The following CNNM2 variants were observed in gnomAD, a reference collection of about 807,000 sequenced individuals.
CNNM2 encodes the protein cyclin and CBS domain divalent metal cation transport mediator 2.
Under a neutral mutation model 66.9 loss-of-function variants are expected in CNNM2, and 12 were observed. The observed-to-expected ratio is 0.18, with a 90% CI of 0.11 to 0.29. The LOEUF is 0.29. CNNM2 is among the 10% of genes least tolerant of loss of function. CNNM2 has a pLI of 1.00. For missense variants in CNNM2, 705 were observed against 1,167.7 expected (o/e 0.60, Z 5.77); for synonymous variants, 557 against 501.8 (o/e 1.11, Z -1.47).
Position 103,077,279 on chromosome 10 carries a change from C to CTG in CNNM2, c.*101_*102dup. 1 of 1,072,612 alleles carries CTG rather than the reference C, an allele frequency of 9.3e-7. No individual in the cohort carries two copies. The highest frequency in any genetic ancestry group is 1.4e-6 in the Non-Finnish European group (1 of 731,676). 66.4% of individuals were successfully genotyped at this position (1,072,612 alleles called of 1,614,324 possible). A position where few individuals can be genotyped will look rare whatever the true frequency, so the allele number is the denominator to read the frequency against. ...CACTGGTGTGAGCTTGTCCGCCATG[C>CTG]TGTACCCTGCAACATCCTGAGACCA... On this transcript the variant is annotated 3_prime_UTR_variant, in exon 8 of 8. Transcript: ENST00000369878.
chr10:102,990,102 A>G (rs908791598), intron 1 of CNNM2, among the ~76,000 whole-genome samples: 4 of 151,678 alleles, frequency 2.6e-5, no homozygotes, highest in African/African-American at 9.7e-5. Context: ...GTGCCACCAC[A>G]CCTGGCTAAT....
chr10:103,050,243 A>G (rs2065193533), intron 2 of CNNM2, among the ~76,000 whole-genome samples: 1 of 152,164 alleles, frequency 6.6e-6, no homozygotes, highest in Non-Finnish European at 1.5e-5. Flanking sequence ...CTTTAAAGTG[A>G]ATGGGAGGCC....
In CNNM2 at chr10:102,918,597, G is replaced by C; in HGVS notation, c.117G>C (p.Gly39=). Reference sequence around the variant, plus strand: ...GCAGCCTCAGCGCTCGCGGCCGGGGGATCCTGCAGGCGGCTGCGGGGCGGC... The same window carrying C: ...GCAGCCTCAGCGCTCGCGGCCGGGGCATCCTGCAGGCGGCTGCGGGGCGGC... ...ARRSLSARGR[G]ILQAAAGRLL... The change falls in exon 1 of 8, where the codon GGG becomes GGC. Residue 39 remains glycine, a synonymous_variant. Coordinates refer to ENST00000369878, the MANE Select transcript of CNNM2 (RefSeq NM_017649.5). The surrounding 1 kb of genome is among the most constrained non-coding windows in gnomAD (Gnocchi z 4.1). The C allele has an allele frequency of 1.3e-6, 2 of 1,562,744 alleles. No individual in the cohort carries two copies. Among genetic ancestry groups the C allele is most frequent in the African/African-American group, 1.4e-5 (1 of 72,112 alleles).
chr10:102,953,307 A>G (rs1430920125), intron 1 of CNNM2, among the ~76,000 whole-genome samples: 1 of 152,044 alleles, frequency 6.6e-6, no homozygotes, highest in Non-Finnish European at 1.5e-5. Context: ...CCCAGGCTGG[A>G]GTGCAGTGAT....
chr10:102,952,279 T>G (rs1233461846), intron 1 of CNNM2, among the ~76,000 whole-genome samples: 1 of 149,664 alleles, frequency 6.7e-6, no homozygotes, highest in Non-Finnish European at 1.5e-5. Context: ...TGTTAAATGA[T>G]GGGGGCCGGG....
chr10:103,001,497 C>G (rs1436567978), intron 1 of CNNM2, among the ~76,000 whole-genome samples: 1 of 152,028 alleles, frequency 6.6e-6, no homozygotes. Flanking sequence ...GATGTCTGCC[C>G]CATCCCAGCC....
At chr10:102,965,591 T>G (rs369407122) in intron 1 of CNNM2, among the ~76,000 whole-genome samples, 4 of 152,214 alleles carry the variant, frequency 2.6e-5, no homozygotes, top group African/African-American at 9.6e-5. Context: ...TTCCCTGTAG[T>G]GTCTGCTTTA....
At chr10:103,019,655 T>C (rs537998248) in intron 1 of CNNM2, among the ~76,000 whole-genome samples, 2 of 152,080 alleles carry the variant, frequency 1.3e-5, no homozygotes, top group South Asian at 2.1e-4. Flanking sequence ...CCTGTGGAGG[T>C]GGCGGTTAAG....
At position 102,998,675 on chromosome 10, in the gene CNNM2, G is replaced by A. The variant is rs77003580; in HGVS notation, c.1622-51032G>A. Among the ~76,000 whole-genome samples the A allele has an allele frequency of 8.3e-4, 126 of 152,104 alleles. 1 individual carries two copies. The highest frequency in any genetic ancestry group is 2.8e-3 in the African/African-American group (118 of 41,520). ...TCTATATAGAAAATGCTGAGGAATCGACTACAAAACTATTAGGTTTAGGCC... is the reference window on the plus strand; with the variant it reads ...TCTATATAGAAAATGCTGAGGAATCAACTACAAAACTATTAGGTTTAGGCC... On this transcript the variant is annotated intron_variant, in intron 1 of 7. Transcript: ENST00000369878.
rs10624803 is a variant in CNNM2 at position 103,011,646 on chromosome 10, CTG to C, written c.1622-38023_1622-38022del. 0.043 allele frequency among the ~76,000 whole-genome samples: 5,808 copies of C among 135,926 alleles called. 114 individuals are homozygous for C. The highest frequency in any genetic ancestry group is 0.072 in the African/African-American group (2,614 of 36,070). 89.2% of individuals were successfully genotyped at this position (135,926 alleles called of 152,430 possible). On this transcript the variant is annotated intron_variant, in intron 1 of 7. Coordinates refer to ENST00000369878, the MANE Select transcript of CNNM2 (RefSeq NM_017649.5). Reference sequence around the variant, plus strand: ...TTCTTTTGCATAAGTAATACTTGCACTGTGTGTGTGTGTGTGTGTGTGTGTGT... The same window carrying C: ...TTCTTTTGCATAAGTAATACTTGCACTGTGTGTGTGTGTGTGTGTGTGTGT...
At position 103,089,634 on chromosome 10, in the gene CNNM2, A is replaced by C; in HGVS notation, c.*12454A>C. On this transcript the variant is annotated 3_prime_UTR_variant, in exon 8 of 8. Coordinates refer to ENST00000369878, the MANE Select transcript of CNNM2 (RefSeq NM_017649.5). Reference sequence around the variant, plus strand: ...GTTTGTTCCTGTGAGTCCTGCCAGGACTTGTTTAATGGGTGCTTGGGGTTT... The same window carrying C: ...GTTTGTTCCTGTGAGTCCTGCCAGGCCTTGTTTAATGGGTGCTTGGGGTTT... The C allele has an allele frequency of 1.3e-6, 2 of 1,542,806 alleles. No individual in the cohort carries two copies. The highest frequency in any genetic ancestry group is 1.7e-6 in the Non-Finnish European group (2 of 1,144,704).
At chr10:103,053,144 G>A (rs377494091) in intron 2 of CNNM2, among the ~76,000 whole-genome samples, 30 of 152,300 alleles carry the variant, frequency 2.0e-4, no homozygotes, top group African/African-American at 7.0e-4. Context: ...TCAGGAACTG[G>A]TAAACCAAAG....
chr10:103,068,771 A>G, intron 5 of CNNM2, 49 bp downstream of exon 5: 1 of 1,401,800 alleles, frequency 7.1e-7, no homozygotes, highest in Non-Finnish European at 9.9e-7. Context: ...GTTAGGAAGT[A>G]AGGCCCCTCT....
intron 1 of CNNM2, among the ~76,000 whole-genome samples, chr10:103,033,136 A>G (rs898701541): frequency 6.6e-6 from 1 of 151,360 alleles, no homozygotes. Flanking sequence ...AAAAGAAAAG[A>G]AAAACAGAAA....
intron 1 of CNNM2, among the ~76,000 whole-genome samples, chr10:103,044,706 A>G (rs948757150): frequency 3.3e-5 from 5 of 152,172 alleles, no homozygotes; most frequent in South Asian, 2.1e-4. Flanking sequence ...TTTCCTTTGT[A>G]CTGTGCACAG....
intron 1 of CNNM2, among the ~76,000 whole-genome samples, chr10:102,943,138 T>C (rs1380595992): frequency 6.6e-6 from 1 of 152,114 alleles, no homozygotes; most frequent in Non-Finnish European, 1.5e-5. Flanking sequence ...GGCAGGAGAA[T>C]TGCTTGAACC....
chr10:102,989,629 CCGAT>C, intron 1 of CNNM2, among the ~76,000 whole-genome samples: 1 of 151,808 alleles, frequency 6.6e-6, no homozygotes, highest in Non-Finnish European at 1.5e-5. Flanking sequence ...ATGGCGAAAC[CCGAT>C]CTCTACTAAA....
At chr10:102,967,222 G>A (rs1186884558) in intron 1 of CNNM2, among the ~76,000 whole-genome samples, 1 of 152,130 alleles carries the variant, frequency 6.6e-6, no homozygotes, top group Non-Finnish European at 1.5e-5. Context: ...TGAGTAGCTG[G>A]GATTATAGGT....
chr10:102,965,164 T>C (rs2063443442), intron 1 of CNNM2, among the ~76,000 whole-genome samples: 1 of 152,242 alleles, frequency 6.6e-6, no homozygotes, highest in Non-Finnish European at 1.5e-5. Context: ...TATTCTGCTA[T>C]AGCAGTACAA....
Sources: allele counts gnomAD v4.1 joint callset (sites outside exome capture counted in the v4.1 genomes callset), GRCh38; gene constraint gnomAD v4.1.1; non-coding constraint Gnocchi (gnomAD v3.1); transcripts MANE v1.5; gene names NCBI Gene and HGNC (gene_info 2026-07-23, HGNC 2026-07-21).